The following SUGCT variants were observed in gnomAD, a reference collection of about 807,000 sequenced individuals.
SUGCT encodes the protein succinyl-CoA:glutarate-CoA transferase.
In SUGCT, 41 loss-of-function variants were observed where a neutral mutation model predicts 55.0. The observed-to-expected ratio is 0.74, with a 90% confidence interval of 0.58 to 0.97. SUGCT has a LOEUF of 0.97. Ranked by LOEUF, SUGCT falls within the 50% of genes least tolerant of loss-of-function variation. The pLI is 0.00. For missense variants in SUGCT, 568 were observed against 547.8 expected, an observed-to-expected ratio of 1.04 and a Z score of -0.37; for synonymous variants, 187 against 200.4, an observed-to-expected ratio of 0.93 and a Z score of 0.56.
intron 12 of SUGCT, among the ~76,000 whole-genome samples, chr7:40,535,127 G>T (rs557552373): frequency 2.6e-5 from 4 of 152,178 alleles, no homozygotes; most frequent in African/African-American, 7.2e-5. Flanking sequence ...TTGGAGATAA[G>T]TTTGTATATA....
intron 10 of SUGCT, among the ~76,000 whole-genome samples, chr7:40,455,581 T>A (rs1210707685): frequency 6.6e-6 from 1 of 152,218 alleles, no homozygotes; most frequent in African/African-American, 2.4e-5. Context: ...GTTTTTGTCA[T>A]CTCAGAAAAC....
intron 3 of SUGCT, among the ~76,000 whole-genome samples, chr7:40,185,865 A>G (rs569504762): frequency 3.9e-5 from 6 of 152,078 alleles, no homozygotes; most frequent in African/African-American, 1.4e-4. Context: ...CCCTGTCTTC[A>G]CCCTTCTGAT....
At chr7:40,422,041 C>G (rs1787335654) in intron 9 of SUGCT, among the ~76,000 whole-genome samples, 2 of 150,828 alleles carry the variant, frequency 1.3e-5, no homozygotes, top group African/African-American at 2.4e-5. Context: ...GTCCTCAGAT[C>G]AAGTCCAGGC....
At chr7:40,548,834 A>T (rs1795148919) in intron 12 of SUGCT, among the ~76,000 whole-genome samples, 1 of 152,140 alleles carries the variant, frequency 6.6e-6, no homozygotes, top group African/African-American at 2.4e-5. Flanking sequence ...GGCTCTTCCT[A>T]TTCATCCTTT....
chr7:40,333,656 AAAAAAAAAAAAAATATATATATATAT>A lies in SUGCT; in HGVS notation c.816+16803_816+16828del, dbSNP rs1329270688. ...TGTCTCAAAAAAAAAAAAAAAAAAA[AAAAAAAAAAAAAATATATATATATAT>A]ATATATATATATATATATATAAATA... On this transcript the variant is annotated intron_variant, in intron 9 of 13. Coordinates refer to ENST00000335693, the MANE Select transcript of SUGCT (RefSeq NM_001193313.2). Among the ~76,000 whole-genome samples, 7 of 57,856 alleles carry A rather than the reference AAAAAAAAAAAAAATATATATATATAT, an allele frequency of 1.2e-4. No homozygotes were observed. In the Admixed American group the frequency reaches 1.4e-3, roughly 12 times the overall value. 38.0% of individuals were successfully genotyped at this position (57,856 alleles called of 152,430 possible).
At chr7:40,766,676 G>A (rs976095476) in intron 13 of SUGCT, among the ~76,000 whole-genome samples, 1 of 152,020 alleles carries the variant, frequency 6.6e-6, no homozygotes, top group Non-Finnish European at 1.5e-5. Flanking sequence ...AGAACTGCTG[G>A]AGTATTTGAA....
intron 5 of SUGCT, among the ~76,000 whole-genome samples, chr7:40,193,539 C>T (rs954141341): frequency 2.0e-5 from 3 of 151,796 alleles, no homozygotes; most frequent in South Asian, 2.1e-4. Context: ...CCTACCTAGG[C>T]CCCCCAAAGT....
At chr7:40,561,683 CGA>C (rs1033209992) in intron 12 of SUGCT, among the ~76,000 whole-genome samples, 3 of 143,638 alleles carry the variant, frequency 2.1e-5, no homozygotes, top group Non-Finnish European at 4.5e-5. Context: ...ATGCTTAAGC[CGA>C]GTCTTTTTTT....
the SUGCT span, among the ~76,000 whole-genome samples, chr7:40,875,133 T>G: frequency 3.9e-5 from 6 of 152,228 alleles, no homozygotes; most frequent in African/African-American, 1.4e-4. Context: ...CTGAGATAGA[T>G]TGGAAATTTC....
chr7:41,026,243 A>T, the SUGCT span, among the ~76,000 whole-genome samples: 1 of 152,192 alleles, frequency 6.6e-6, no homozygotes, highest in East Asian at 1.9e-4. Context: ...ACTCCTGGCA[A>T]CCACCGAATG....
At chr7:40,279,246 A>G (rs577920683) in intron 8 of SUGCT, among the ~76,000 whole-genome samples, 3 of 152,262 alleles carry the variant, frequency 2.0e-5, no homozygotes, top group African/African-American at 2.4e-5. Context: ...GAAGTCCCAG[A>G]AAACAAGAAC....
chr7:40,160,223 A>G (rs1784080078), intron 1 of SUGCT, among the ~76,000 whole-genome samples: 1 of 152,214 alleles, frequency 6.6e-6, no homozygotes, highest in East Asian at 1.9e-4. Context: ...CAGAAACCAT[A>G]AAATAATTTT....
At chr7:40,508,218 C>A (rs1792715775) in intron 12 of SUGCT, among the ~76,000 whole-genome samples, 1 of 152,120 alleles carries the variant, frequency 6.6e-6, no homozygotes, top group South Asian at 2.1e-4. Flanking sequence ...GTCTTTTTGG[C>A]TTGGTCCTTC....
the SUGCT span, among the ~76,000 whole-genome samples, chr7:40,997,960 C>T: frequency 6.6e-6 from 1 of 152,134 alleles, no homozygotes; most frequent in African/African-American, 2.4e-5. Context: ...GCTCAATGCT[C>T]ACCAGCTACT....
chr7:40,619,522 A>T (rs1021253957), intron 12 of SUGCT, among the ~76,000 whole-genome samples: 6 of 152,118 alleles, frequency 3.9e-5, no homozygotes, highest in Non-Finnish European at 8.8e-5. Flanking sequence ...TTATGATTGA[A>T]TTTTTTTGTT....
intron 12 of SUGCT, among the ~76,000 whole-genome samples, chr7:40,690,044 G>T (rs1472465131): frequency 6.6e-6 from 1 of 152,100 alleles, no homozygotes; most frequent in Non-Finnish European, 1.5e-5. Flanking sequence ...ATACTACAAA[G>T]AATTTCAAAT....
intron 12 of SUGCT, among the ~76,000 whole-genome samples, chr7:40,670,444 T>C (rs1801883778): frequency 6.6e-6 from 1 of 152,090 alleles, no homozygotes; most frequent in African/African-American, 2.4e-5. Context: ...AGAAAGAACG[T>C]ACTAATGTCA....
intron 6 of SUGCT, among the ~76,000 whole-genome samples, chr7:40,221,530 G>A (rs1168118547): frequency 2.3e-5 from 3 of 130,912 alleles, no homozygotes; most frequent in African/African-American, 8.8e-5. Flanking sequence ...TCACTCTGTC[G>A]CCCAGGCTGG....
downstream of SUGCT, among the ~76,000 whole-genome samples, chr7:40,861,232 T>C (rs1449215652): frequency 6.6e-6 from 1 of 152,206 alleles, no homozygotes; most frequent in African/African-American, 2.4e-5. Context: ...CAAGTGAAAA[T>C]GCAACAGGGT....
Sources: gnomAD v4.1 joint callset for allele counts (sites outside exome capture counted in the v4.1 genomes callset) on GRCh38, gnomAD v4.1.1 for gene constraint, MANE v1.5 for transcripts, NCBI Gene and HGNC (gene_info 2026-07-23, HGNC 2026-07-21) for gene names.